TPO: variants seen among roughly 807,000 people sequenced by gnomAD.
TPO encodes the protein thyroid microsomal antigen.
A neutral mutation model predicts 96.9 loss-of-function variants in TPO; 78 were observed. The observed-to-expected ratio is 0.81, with a 90% CI of 0.67 to 0.97. TPO has a LOEUF of 0.97. Ranked by LOEUF, TPO falls within the 50% of genes least tolerant of loss-of-function variation. TPO has a pLI of 0.00. For synonymous variants in TPO, 547 were observed against 538.0 expected (o/e 1.02, Z -0.23); for missense variants, 1,252 against 1,274.8 (o/e 0.98, Z 0.27).
intron 16 of TPO, chr2:1,542,209 C>T (rs1041830004): frequency 2.6e-5 from 17 of 659,924 alleles, no homozygotes; most frequent in Middle Eastern, 4.1e-4. Context: ...ACCTTTGCCA[C>T]GTGGATCCTC....
chr2:1,436,165 G>A (rs1665547999), intron 4 of TPO, 87 bp from the exon 5 acceptor site: 11 of 1,604,844 alleles, frequency 6.9e-6, no homozygotes, highest in East Asian at 4.5e-5. Flanking sequence ...TTCAGATGCT[G>A]GAGTCACTTT....
At chr2:1,422,963 T>G in intron 2 of TPO, 82 bp from the exon 3 acceptor site, 2 of 1,496,102 alleles carry the variant, frequency 1.3e-6, no homozygotes, top group Non-Finnish European at 9.3e-7. Context: ...CGCAGCAAGA[T>G]GGGCTTGAGG....
chr2:1,475,578 C>T (rs956541744), intron 7 of TPO, among the ~76,000 whole-genome samples: 22 of 152,078 alleles, frequency 1.4e-4, no homozygotes, highest in South Asian at 4.1e-4. Context: ...TGCCCGCCAC[C>T]GCGCCCGGCT....
chr2:1,513,768 A>G (rs763876889), intron 14 of TPO, among the ~76,000 whole-genome samples: 1 of 152,224 alleles, frequency 6.6e-6, no homozygotes, highest in Non-Finnish European at 1.5e-5. Context: ...ACAAATATGT[A>G]GACATAGATA....
chr2:1,446,822 A>G (rs1312778223), intron 5 of TPO, among the ~76,000 whole-genome samples: 1 of 152,204 alleles, frequency 6.6e-6, no homozygotes, highest in Non-Finnish European at 1.5e-5. Context: ...TCATGGAAAG[A>G]AAACTTTTTT....
At chr2:1,424,859 ATC>A (rs1664161884) in intron 3 of TPO, among the ~76,000 whole-genome samples, 1 of 145,120 alleles carries the variant, frequency 6.9e-6, no homozygotes, top group Non-Finnish European at 1.5e-5. Context: ...ATCATTTCAT[ATC>A]CTCAGAAGTC....
At chr2:1,525,405 T>G (rs1330919909) in intron 15 of TPO, among the ~76,000 whole-genome samples, 5 of 89,918 alleles carry the variant, frequency 5.6e-5, no homozygotes, top group Non-Finnish European at 1.0e-4. Context: ...GTGTGCAACT[T>G]CCTCAAATCC....
At chr2:1,508,801 G>A (rs201596686) in intron 14 of TPO, among the ~76,000 whole-genome samples, 18 of 151,968 alleles carry the variant, frequency 1.2e-4, no homozygotes, top group South Asian at 8.3e-4. Context: ...TCTTGCTAGC[G>A]GTCTATCAAT....
upstream of TPO, among the ~76,000 whole-genome samples, chr2:1,413,025 A>C (rs888141642): frequency 6.6e-6 from 1 of 152,170 alleles, no homozygotes; most frequent in East Asian, 1.9e-4. Flanking sequence ...CTTAGTGATA[A>C]GAAAACTAGG....
In TPO at chr2:1,503,956, G is replaced by A. The variant is rs121908085; in HGVS notation, c.2395G>A (p.Glu799Lys). The A allele has an allele frequency of 1.7e-5, 27 of 1,614,124 alleles. No homozygotes were observed. Among genetic ancestry groups the A allele is most frequent in the African/African-American group, 5.3e-5 (4 of 75,022 alleles). Reference sequence around the variant, plus strand: ...CCTTGTGTGTCTGGCAGATGTGAACGAGTGTGCAGACGGTGCCCACCCCCC... The same window carrying A: ...CCTTGTGTGTCTGGCAGATGTGAACAAGTGTGCAGACGGTGCCCACCCCCC... ...FQPPLCKDVN[E>K]CADGAHPPCH... Residue 799 changes from glutamate (E) to lysine (K), a missense_variant, in exon 14 of 17, where the codon GAG becomes AAG. Physicochemically the swap from Glu to Lys is moderately conservative, Grantham distance 56. Transcript: ENST00000329066.
intron 8 of TPO, 153 bp downstream of exon 8, chr2:1,477,757 G>C (rs1036691533): frequency 3.1e-6 from 3 of 983,416 alleles, no homozygotes; most frequent in Non-Finnish European, 3.6e-6. Context: ...GGGGCCCTGT[G>C]TGGGTGCGCA....
intron 15 of TPO, among the ~76,000 whole-genome samples, chr2:1,535,793 C>G (rs1255343936): frequency 3.2e-5 from 3 of 94,422 alleles, no homozygotes; most frequent in East Asian, 8.9e-4. Context: ...TCTGTGCAAC[C>G]TCCGCCATCC....
chr2:1,532,922 A>C (rs1678650963), intron 15 of TPO, among the ~76,000 whole-genome samples: 1 of 104,672 alleles, frequency 9.6e-6, no homozygotes, highest in Admixed American at 1.1e-4. Context: ...GCAACCTCGC[A>C]AAATCTCCCC....
intron 7 of TPO, among the ~76,000 whole-genome samples, chr2:1,473,774 A>AT (rs1009029093): frequency 1.8e-4 from 28 of 151,376 alleles, no homozygotes; most frequent in Admixed American, 5.3e-4. Flanking sequence ...TATGAAAGGG[A>AT]TTTTTTTTTC....
intron 1 of TPO, among the ~76,000 whole-genome samples, chr2:1,378,904 C>T (rs1411714686): frequency 6.6e-6 from 1 of 152,214 alleles, no homozygotes; most frequent in African/African-American, 2.4e-5. Flanking sequence ...TGTTCTGCTC[C>T]TCTCAAAGGC....
rs541922080 is a variant in TPO, at chr2:1,456,268, T to C, written c.805T>C (p.Cys269Arg). ...GATGACTTGTGAGAACCAAAACCCATGTTTTCCCATACAAGTAAGTTTTAG... is the reference window on the plus strand; with the variant it reads ...GATGACTTGTGAGAACCAAAACCCACGTTTTCCCATACAAGTAAGTTTTAG... ...CQMTCENQNP[C>R]FPIQLPEEAR... Residue 269 changes from cysteine (C) to arginine (R), a missense_variant, in exon 7 of 17, where the codon TGT becomes CGT. Cys to Arg is a radical substitution (Grantham distance 180). Transcript: ENST00000329066. 6.2e-7 allele frequency: 1 copy of C among 1,614,134 alleles called. No individual in the cohort carries two copies. The highest frequency in any genetic ancestry group is 2.2e-5 in the East Asian group (1 of 44,892).
chr2:1,426,093 T>C (rs747510368), intron 3 of TPO, among the ~76,000 whole-genome samples: 1 of 147,460 alleles, frequency 6.8e-6, no homozygotes, highest in South Asian at 2.2e-4. Flanking sequence ...AGAGATGAGT[T>C]TGATCATTTC....
rs1420043067 is a variant in TPO at position 1,439,034 on chromosome 2, C to G, written c.482+2650C>G. The G allele has an allele frequency of 1.7e-5, 9 of 544,904 alleles. No homozygotes were observed. In the South Asian group the frequency reaches 2.6e-4, roughly 16 times the overall value. 33.8% of individuals were successfully genotyped at this position (544,904 alleles called of 1,614,324 possible). A position where few individuals can be genotyped will look rare whatever the true frequency, so the allele number is the denominator to read the frequency against. On this transcript the variant is annotated intron_variant, in intron 5 of 16. Coordinates refer to ENST00000329066, the MANE Select transcript of TPO (RefSeq NM_001206744.2). ...TCCTGATTCATAAATCATGATCACT[C>G]AAAAAAAACTCTTTAAAAAATGTAT... is the stretch of plus-strand genomic sequence containing the variant.
chr2:1,482,871 C>CA (rs898646783), intron 8 of TPO, among the ~76,000 whole-genome samples: 1 of 152,118 alleles, frequency 6.6e-6, no homozygotes, highest in Non-Finnish European at 1.5e-5. Flanking sequence ...TTTGTAGAAA[C>CA]AGAGTCTGAC....
Sources: gnomAD v4.1 joint callset for allele counts (sites outside exome capture counted in the v4.1 genomes callset) on GRCh38, gnomAD v4.1.1 for gene constraint, MANE v1.5 for transcripts, NCBI Gene and HGNC (gene_info 2026-07-23, HGNC 2026-07-21) for gene names.